LINGO2: variants seen among roughly 807,000 people sequenced by gnomAD.
LINGO2 encodes the protein leucine-rich repeat and immunoglobulin-like domain-containing nogo receptor-interacting protein 2.
In LINGO2, 14 loss-of-function variants were observed where a neutral mutation model predicts 30.6. The observed-to-expected ratio is 0.46, with a 90% CI of 0.30 to 0.72. The LOEUF (loss-of-function observed/expected upper bound fraction) is 0.72, where lower values mean the gene tolerates loss of function less well. LINGO2 is among the 30% of genes least tolerant of loss of function. The pLI, the probability that LINGO2 is intolerant of heterozygous loss-of-function variation, is 0.07. For missense variants in LINGO2, 729 were observed against 751.7 expected, an observed-to-expected ratio of 0.97 and a Z score of 0.35; for synonymous variants, 317 against 288.5, an observed-to-expected ratio of 1.10 and a Z score of -1.00.
chr9:29,047,348 A>G, the LINGO2 span, among the ~76,000 whole-genome samples: 2 of 152,190 alleles, frequency 1.3e-5, no homozygotes, highest in African/African-American at 2.4e-5. Flanking sequence ...CAAAACCACA[A>G]TGAGATGCCA....
intron 1 of LINGO2, among the ~76,000 whole-genome samples, chr9:28,558,657 C>A (rs2135540203): frequency 6.6e-6 from 1 of 152,114 alleles, no homozygotes; most frequent in East Asian, 1.9e-4. Flanking sequence ...TGGGACAAAT[C>A]TTAAATTTTA....
At chr9:28,842,488 T>C in the LINGO2 span, among the ~76,000 whole-genome samples, 1 of 151,866 alleles carries the variant, frequency 6.6e-6, no homozygotes, top group Non-Finnish European at 1.5e-5. Flanking sequence ...TTGTCATGCC[T>C]TCTTCAGGCA....
chr9:28,317,133 T>C (rs531462956), intron 3 of LINGO2, among the ~76,000 whole-genome samples: 15 of 152,318 alleles, frequency 9.8e-5, no homozygotes, highest in Non-Finnish European at 1.9e-4. Context: ...CACAGAACAA[T>C]GTGAAACTTT....
chr9:29,024,568 G>T, the LINGO2 span, among the ~76,000 whole-genome samples: 3 of 152,020 alleles, frequency 2.0e-5, no homozygotes, highest in Non-Finnish European at 4.4e-5. Flanking sequence ...GATACTAAAT[G>T]ATTATCACTA....
chr9:28,218,824 T>C (rs1193219574), intron 4 of LINGO2, among the ~76,000 whole-genome samples: 1 of 152,156 alleles, frequency 6.6e-6, no homozygotes, highest in African/African-American at 2.4e-5. Flanking sequence ...CACTATTCCC[T>C]GCCTGGAATT....
the LINGO2 span, among the ~76,000 whole-genome samples, chr9:28,744,165 T>C: frequency 2.6e-5 from 4 of 151,782 alleles, 1 homozygote; most frequent in African/African-American, 9.7e-5. Context: ...TTTGGTTCTT[T>C]TTAATACTTT....
the LINGO2 span, among the ~76,000 whole-genome samples, chr9:28,774,975 G>C: frequency 7.3e-6 from 1 of 136,512 alleles, no homozygotes; most frequent in African/African-American, 3.0e-5. Flanking sequence ...TAAGTAAATT[G>C]TTTGTCAAAG....
the LINGO2 span, among the ~76,000 whole-genome samples, chr9:29,048,146 AAATC>A: frequency 1.3e-5 from 2 of 151,774 alleles, no homozygotes; most frequent in Non-Finnish European, 2.9e-5. Flanking sequence ...TAAAATAAAT[AAATC>A]AGTGTCATTT....
the LINGO2 span, among the ~76,000 whole-genome samples, chr9:29,122,113 C>G: frequency 6.6e-6 from 1 of 151,412 alleles, no homozygotes; most frequent in Non-Finnish European, 1.5e-5. Context: ...TAACAAATTA[C>G]AAACTCCATG....
At chr9:28,943,658 G>GT in the LINGO2 span, among the ~76,000 whole-genome samples, 2 of 151,582 alleles carry the variant, frequency 1.3e-5, no homozygotes. Flanking sequence ...TGCATGAAAG[G>GT]TAAGTGCTGT....
chr9:28,438,981 A>G (rs1824076557), intron 2 of LINGO2, among the ~76,000 whole-genome samples: 1 of 147,262 alleles, frequency 6.8e-6, no homozygotes, highest in Admixed American at 6.8e-5. Context: ...ATATAATGAA[A>G]TATAGATAAT....
chr9:28,605,044 T>C (rs545916055), intron 1 of LINGO2, among the ~76,000 whole-genome samples: 46 of 152,146 alleles, frequency 3.0e-4, no homozygotes, highest in Non-Finnish European at 5.2e-4. Flanking sequence ...GCCAAGTTCT[T>C]AGCCACTAAA....
chr9:28,638,191 A>C (rs1293224950), intron 1 of LINGO2, among the ~76,000 whole-genome samples: 1 of 152,006 alleles, frequency 6.6e-6, no homozygotes, highest in Non-Finnish European at 1.5e-5. Flanking sequence ...ATGGTGGATA[A>C]GTTTTGATGT....
upstream of LINGO2, among the ~76,000 whole-genome samples, chr9:28,670,557 T>C (rs1828971330): frequency 6.6e-6 from 1 of 152,168 alleles, no homozygotes; most frequent in South Asian, 2.1e-4. Context: ...AGAAAGGCTG[T>C]TGGATTATAA....
the LINGO2 span, among the ~76,000 whole-genome samples, chr9:28,802,352 C>T: frequency 6.6e-6 from 1 of 151,912 alleles, no homozygotes; most frequent in Non-Finnish European, 1.5e-5. Context: ...TTTTTGAAAG[C>T]ATGAATGGAT....
intron 5 of LINGO2, among the ~76,000 whole-genome samples, chr9:27,967,951 T>C (rs565396334): frequency 6.6e-6 from 1 of 152,312 alleles, no homozygotes; most frequent in East Asian, 1.9e-4. Context: ...CCAAAAACTG[T>C]AATAACATAT....
chr9:29,145,111 T>A, the LINGO2 span, among the ~76,000 whole-genome samples: 2 of 152,214 alleles, frequency 1.3e-5, no homozygotes, highest in African/African-American at 4.8e-5. Flanking sequence ...TTCTAGATAA[T>A]TTACATGAAG....
chr9:28,964,398 A>T, the LINGO2 span, among the ~76,000 whole-genome samples: 6 of 151,952 alleles, frequency 3.9e-5, no homozygotes, highest in Admixed American at 2.0e-4. Context: ...AAAAAAGTAT[A>T]GGGAGACCTT....
the LINGO2 span, among the ~76,000 whole-genome samples, chr9:29,150,816 T>G: frequency 3.9e-5 from 6 of 152,238 alleles, no homozygotes; most frequent in South Asian, 1.2e-3. Flanking sequence ...AATAAGCAAC[T>G]TGGCACATAT....
Sources: gnomAD v4.1 joint callset for allele counts (sites outside exome capture counted in the v4.1 genomes callset) on GRCh38, gnomAD v4.1.1 for gene constraint, MANE v1.5 for transcripts, NCBI Gene and HGNC (gene_info 2026-07-23, HGNC 2026-07-21) for gene names.